Variants in CNTN4 observed in about 807,000 individuals in gnomAD.
CNTN4 encodes contactin 4.
Under a neutral mutation model 122.5 loss-of-function variants are expected in CNTN4, and 77 were observed. The ratio of observed to expected loss-of-function variants is 0.63; its 90% CI spans 0.52 to 0.76. The LOEUF (loss-of-function observed/expected upper bound fraction) is 0.76. Ranked by LOEUF, CNTN4 falls within the 30% of genes least tolerant of loss-of-function variation. The pLI is 0.00. For missense variants in CNTN4, 1,256 were observed against 1,259.1 expected (o/e 1.00, Z 0.04); for synonymous variants, 512 against 447.0 (o/e 1.15, Z -1.83).
In CNTN4 at chr3:2,100,024, G is replaced by A. The variant is rs556571179; in HGVS notation, c.-226-534G>A. 2.0e-5 allele frequency among the ~76,000 whole-genome samples: 3 copies of A among 152,342 alleles called. No individual in the cohort carries two copies. The South Asian group carries it at 6.2e-4, about 32-fold the overall frequency. ...CTGCGAGGAGGCGGCTTCGCGCGTC[G>A]GGAAGATCAGGCGGTTGCTTGCTGG... On this transcript the variant is annotated intron_variant, in intron 1 of 24. Transcript: ENST00000418658.
At chr3:2,603,240 C>T (rs986039135) in intron 4 of CNTN4, among the ~76,000 whole-genome samples, 71 of 151,984 alleles carry the variant, frequency 4.7e-4, no homozygotes, top group African/African-American at 1.7e-3. Flanking sequence ...TCCCATATGC[C>T]AAACATGGAA....
At chr3:2,832,264 G>T (rs1390907744) in intron 7 of CNTN4, among the ~76,000 whole-genome samples, 1 of 152,186 alleles carries the variant, frequency 6.6e-6, no homozygotes, top group Non-Finnish European at 1.5e-5. Context: ...GGAGATTTTG[G>T]CAGAACCTTT....
At chr3:2,238,662 C>T (rs184182373) in intron 2 of CNTN4, among the ~76,000 whole-genome samples, 1 of 149,734 alleles carries the variant, frequency 6.7e-6, no homozygotes, top group East Asian at 2.0e-4. Flanking sequence ...CCAAACTGTG[C>T]GTTTTGGAAC....
intron 9 of CNTN4, among the ~76,000 whole-genome samples, chr3:2,885,364 T>C (rs781123922): frequency 1.2e-4 from 18 of 152,142 alleles, no homozygotes; most frequent in South Asian, 4.1e-4. Flanking sequence ...ACCTCACAGA[T>C]GGCATCTTTC....
chr3:2,297,829 C>G (rs931826441), intron 2 of CNTN4, among the ~76,000 whole-genome samples: 3 of 152,144 alleles, frequency 2.0e-5, no homozygotes, highest in Non-Finnish European at 4.4e-5. Flanking sequence ...TCCTTGGGCT[C>G]AAGCAGTCCT....
At chr3:2,823,755 T>A (rs1029142351) in intron 7 of CNTN4, among the ~76,000 whole-genome samples, 2 of 152,148 alleles carry the variant, frequency 1.3e-5, no homozygotes, top group Non-Finnish European at 2.9e-5. Flanking sequence ...TACGAAAATT[T>A]CTAGTTTATT....
At chr3:2,474,510 T>C (rs2075782809) in intron 3 of CNTN4, among the ~76,000 whole-genome samples, 1 of 152,074 alleles carries the variant, frequency 6.6e-6, no homozygotes, top group Non-Finnish European at 1.5e-5. Context: ...CTTAAGAAAA[T>C]TACTCTAAGG....
At chr3:2,589,498 C>T (rs1156949028) in intron 4 of CNTN4, among the ~76,000 whole-genome samples, 2 of 152,158 alleles carry the variant, frequency 1.3e-5, no homozygotes, top group Middle Eastern at 3.2e-3. Context: ...TCAAGCCATT[C>T]CTTCCCTCCC....
intron 3 of CNTN4, among the ~76,000 whole-genome samples, chr3:2,551,367 C>G (rs2078497932): frequency 1.3e-5 from 2 of 152,032 alleles, no homozygotes; most frequent in Non-Finnish European, 2.9e-5. Context: ...GTTTGTATAT[C>G]ATGTGTGTAC....
At chr3:2,975,163 T>C (rs147800362) in intron 13 of CNTN4, among the ~76,000 whole-genome samples, 299 of 152,060 alleles carry the variant, frequency 2.0e-3, no homozygotes, top group South Asian at 3.1e-3. Flanking sequence ...TAGGAAAAGC[T>C]ATTTCAACAA....
intron 3 of CNTN4, among the ~76,000 whole-genome samples, chr3:2,560,347 G>C (rs538410053): frequency 6.6e-6 from 1 of 151,930 alleles, no homozygotes; most frequent in Non-Finnish European, 1.5e-5. Context: ...TCACCATGTT[G>C]CTCAGGCTGG....
chr3:2,180,224 C>A (rs1304101093), intron 2 of CNTN4, among the ~76,000 whole-genome samples: 1 of 151,884 alleles, frequency 6.6e-6, no homozygotes, highest in Non-Finnish European at 1.5e-5. Flanking sequence ...AAAATGTTTT[C>A]TAGAAGGATA....
chr3:3,028,617 A>T (rs372887092), intron 15 of CNTN4, among the ~76,000 whole-genome samples: 1 of 152,186 alleles, frequency 6.6e-6, no homozygotes, highest in Non-Finnish European at 1.5e-5. Flanking sequence ...CCTAAGGCCA[A>T]TGTGGCTTCC....
intron 6 of CNTN4, among the ~76,000 whole-genome samples, chr3:2,787,256 G>A (rs1002753116): frequency 6.6e-6 from 1 of 152,046 alleles, no homozygotes; most frequent in Non-Finnish European, 1.5e-5. Flanking sequence ...GGCGCCTGTA[G>A]TCCCAGCTAC....
intron 2 of CNTN4, among the ~76,000 whole-genome samples, chr3:2,142,245 T>C (rs1396110413): frequency 1.3e-5 from 2 of 152,236 alleles, no homozygotes; most frequent in East Asian, 3.8e-4. Flanking sequence ...GCACAAATGA[T>C]ATCTTTTTGT....
At chr3:2,351,565 T>C (rs1228759390) in intron 3 of CNTN4, among the ~76,000 whole-genome samples, 3 of 152,220 alleles carry the variant, frequency 2.0e-5, no homozygotes, top group African/African-American at 7.2e-5. Context: ...TATCCCCCTT[T>C]ATCTGAGGTA....
intron 3 of CNTN4, among the ~76,000 whole-genome samples, chr3:2,504,689 A>T (rs1242956693): frequency 6.6e-6 from 1 of 152,206 alleles, no homozygotes; most frequent in Non-Finnish European, 1.5e-5. Flanking sequence ...ATACCTTTAC[A>T]TTTAAATAAC....
rs1326946464 is a variant in CNTN4 at position 2,816,353 on chromosome 3, C to CA, written c.359-3125dup. On this transcript the variant is annotated intron_variant, in intron 6 of 24. Coordinates refer to ENST00000418658, the MANE Select transcript of CNTN4 (RefSeq NM_175607.3). ...TGGGCGACAGAGCGAGACTCCATCT[C>CA]AAAAAAAATAAAAAAAATAAATAAA... Among the ~76,000 whole-genome samples the CA allele has an allele frequency of 4.5e-3, 654 of 146,724 alleles. 10 individuals are homozygous for CA. Among genetic ancestry groups the CA allele is most frequent in the African/African-American group, 0.014 (531 of 39,064 alleles).
chr3:2,929,912 A>G (rs1263517447), intron 13 of CNTN4, among the ~76,000 whole-genome samples: 1 of 151,970 alleles, frequency 6.6e-6, no homozygotes, highest in Non-Finnish European at 1.5e-5. Flanking sequence ...CTGATGCCAA[A>G]CTCCCACCAT....
Sources: allele counts gnomAD v4.1 joint callset (sites outside exome capture counted in the v4.1 genomes callset), GRCh38; gene constraint gnomAD v4.1.1; transcripts MANE v1.5; gene names NCBI Gene and HGNC (gene_info 2026-07-23, HGNC 2026-07-21).